Variants in CALD1 observed in about 807,000 individuals in gnomAD.
CALD1 encodes caldesmon 1.
Under a neutral mutation model 99.9 loss-of-function variants are expected in CALD1, and 33 were observed. The observed-to-expected ratio is 0.33, with a 90% CI of 0.25 to 0.44. The LOEUF (loss-of-function observed/expected upper bound fraction) is 0.44. CALD1 is among the 20% of genes least tolerant of loss of function. The probability of loss-of-function intolerance (pLI) is 1.00; values close to 1 mark genes in which losing one functional copy is unlikely to be tolerated. For synonymous variants in CALD1, 310 were observed against 325.0 expected, an observed-to-expected ratio of 0.95 and a Z score of 0.50; for missense variants, 861 against 962.1, an observed-to-expected ratio of 0.89 and a Z score of 1.39.
At chr7:134,913,300 A>G (rs1369855219) in intron 3 of CALD1, among the ~76,000 whole-genome samples, 1 of 152,204 alleles carries the variant, frequency 6.6e-6, no homozygotes, top group Non-Finnish European at 1.5e-5. Flanking sequence ...TATGACTGTC[A>G]TTTAAAACTA....
At position 134,933,146 on chromosome 7, in the gene CALD1, C is replaced by T. The variant is rs1360995627; in HGVS notation, c.377C>T (p.Thr126Ile). Residue 126 changes from threonine to isoleucine, a missense_variant, in exon 5 of 15, where the codon ACA becomes ATA. Transcript: ENST00000361675. Reference sequence around the variant, plus strand: ...CAGAAGGAGTTCGACCCAACAATAACAGATGCAAGTCTGTCGCTCCCAAGC... The same window carrying T: ...CAGAAGGAGTTCGACCCAACAATAATAGATGCAAGTCTGTCGCTCCCAAGC... ...ERQKEFDPTI[T>I]DASLSLPSRR... 6.2e-7 allele frequency: 1 copy of T among 1,613,518 alleles called. No individual in the cohort carries two copies. The highest frequency in any genetic ancestry group is 2.2e-5 in the East Asian group (1 of 44,848).
Position 134,788,471 on chromosome 7 carries a change from G to A in CALD1, c.-130+8722G>A, listed in dbSNP as rs573736960. Reference sequence around the variant, plus strand: ...GCACATCACTGACCCTAAGGGATGCGGTGGTAAAATTAGCCTCTGCATTGG... The same window carrying A: ...GCACATCACTGACCCTAAGGGATGCAGTGGTAAAATTAGCCTCTGCATTGG... On this transcript the variant is annotated intron_variant, in intron 1 of 14. Coordinates refer to ENST00000361675, the MANE Select transcript of CALD1 (RefSeq NM_033138.4). Among the ~76,000 whole-genome samples the A allele has an allele frequency of 3.9e-5, 6 of 152,286 alleles. No homozygotes were observed. In the South Asian group the frequency reaches 8.3e-4, roughly 21 times the overall value.
chr7:134,763,522 G>A (rs577212169), intron 1 of CALD1, among the ~76,000 whole-genome samples: 26 of 152,220 alleles, frequency 1.7e-4, no homozygotes, highest in African/African-American at 6.0e-4. Flanking sequence ...TTGGGTTCTC[G>A]GTCAGAACTT....
chr7:134,967,204 T>C (rs1309949177), intron 14 of CALD1, among the ~76,000 whole-genome samples: 1 of 152,166 alleles, frequency 6.6e-6, no homozygotes, highest in Admixed American at 6.5e-5. Context: ...TCCCTGGAGT[T>C]ATGTAGCACC....
chr7:134,885,859 T>G (rs1033012726), intron 3 of CALD1, among the ~76,000 whole-genome samples: 1 of 152,022 alleles, frequency 6.6e-6, no homozygotes, highest in African/African-American at 2.4e-5. Context: ...ATTATCGTTT[T>G]CACCGAGACC....
At chr7:134,874,289 T>G (rs906373879) in intron 3 of CALD1, among the ~76,000 whole-genome samples, 12 of 151,912 alleles carry the variant, frequency 7.9e-5, no homozygotes, top group African/African-American at 2.4e-5. Flanking sequence ...GCCTCCCAGG[T>G]TCAAGCGATT....
Position 134,889,233 on chromosome 7 carries a change from TC to T in CALD1, c.71+21431del, listed in dbSNP as rs558255561. On this transcript the variant is annotated intron_variant, in intron 3 of 14. Transcript: ENST00000361675. The stretch of plus-strand genomic sequence containing the variant: ...AAGGTGTCAGCAGGGCTGTATTCCT[TC>T]CTGGAGGCTCCAGGGGAGAATCCAT... 3.2e-3 allele frequency among the ~76,000 whole-genome samples: 492 copies of T among 152,350 alleles called. 3 individuals are homozygous for T. The highest frequency in any genetic ancestry group is 0.011 in the African/African-American group (464 of 41,574).
At chr7:134,965,193 T>G in intron 13 of CALD1, 113 bp from the exon 14 acceptor site, 1 of 691,572 alleles carries the variant, frequency 1.4e-6, no homozygotes, top group Admixed American at 2.2e-5. Context: ...TGGGGTAAAG[T>G]GTATTAAACA....
intron 3 of CALD1, among the ~76,000 whole-genome samples, chr7:134,890,568 A>G (rs1802109258): frequency 6.6e-6 from 1 of 152,186 alleles, no homozygotes; most frequent in East Asian, 1.9e-4. Flanking sequence ...GCAGCTTGGT[A>G]CCCAAATACC....
chr7:134,737,999 G>C, the CALD1 span, among the ~76,000 whole-genome samples: 2 of 152,200 alleles, frequency 1.3e-5, no homozygotes, highest in African/African-American at 4.8e-5. Context: ...TCCACAAAGA[G>C]AGACAAATGT....
chr7:134,867,728 C>T lies in CALD1; in HGVS notation c.-6C>T. The T allele has an allele frequency of 6.3e-7, 1 of 1,598,826 alleles. No individual in the cohort carries two copies. ...CATCTGGTCTCCCTGAACCTGAAAT[C>T]ACACCATGGATGATTTTGAGCGTCG... On this transcript the variant is annotated 5_prime_UTR_variant, in exon 3 of 15. Coordinates refer to ENST00000361675, the MANE Select transcript of CALD1 (RefSeq NM_033138.4).
chr7:134,910,833 A>C (rs113707581), intron 3 of CALD1, among the ~76,000 whole-genome samples: 33 of 152,228 alleles, frequency 2.2e-4, no homozygotes, highest in African/African-American at 6.3e-4. Flanking sequence ...CCAGCTCTGA[A>C]CTCAAGGGGA....
chr7:134,804,894 C>T (rs1351219128), intron 1 of CALD1, among the ~76,000 whole-genome samples: 4 of 152,134 alleles, frequency 2.6e-5, no homozygotes, highest in South Asian at 2.1e-4. Flanking sequence ...CATTCAAAAC[C>T]GGCTGTAGGG....
chr7:134,738,725 C>T, the CALD1 span, among the ~76,000 whole-genome samples: 1 of 152,188 alleles, frequency 6.6e-6, no homozygotes. Flanking sequence ...ATTCTGTCAA[C>T]TCTGTTATGT....
intron 1 of CALD1, among the ~76,000 whole-genome samples, chr7:134,762,115 G>T (rs1796783617): frequency 6.6e-6 from 1 of 152,214 alleles, no homozygotes; most frequent in Non-Finnish European, 1.5e-5. Flanking sequence ...TTGGACTACA[G>T]TTGAATCTTC....
chr7:134,836,858 T>C (rs966430635), intron 1 of CALD1, among the ~76,000 whole-genome samples: 4 of 152,206 alleles, frequency 2.6e-5, no homozygotes, highest in Non-Finnish European at 4.4e-5. Context: ...CCTGTGAAAA[T>C]CCACCCTCAT....
At chr7:134,733,522 T>G in the CALD1 span, among the ~76,000 whole-genome samples, 1 of 152,206 alleles carries the variant, frequency 6.6e-6, no homozygotes, top group African/African-American at 2.4e-5. Context: ...TAAAAATGTC[T>G]GCTAGGCCGG....
At chr7:134,919,969 A>C (rs1804495226) in intron 3 of CALD1, among the ~76,000 whole-genome samples, 1 of 152,150 alleles carries the variant, frequency 6.6e-6, no homozygotes, top group Admixed American at 6.5e-5. Flanking sequence ...CTTGCCTTTT[A>C]AGGAATCCAA....
chr7:134,825,244 A>C (rs1563026765), intron 1 of CALD1, among the ~76,000 whole-genome samples: 3 of 152,176 alleles, frequency 2.0e-5, no homozygotes, highest in South Asian at 4.1e-4. Context: ...GATGATGGCC[A>C]AGTTTATTAG....
Sources: allele counts gnomAD v4.1 joint callset (sites outside exome capture counted in the v4.1 genomes callset), GRCh38; gene constraint gnomAD v4.1.1; transcripts MANE v1.5; gene names NCBI Gene and HGNC (gene_info 2026-07-23, HGNC 2026-07-21).